Variants in TNS2 observed in about 807,000 individuals in gnomAD.
TNS2 encodes the protein tensin 2.
TNS2 carries 77 observed loss-of-function variants against 155.7 expected under a neutral mutation model. The ratio of observed to expected loss-of-function variants is 0.49; its 90% CI spans 0.41 to 0.60. The LOEUF (loss-of-function observed/expected upper bound fraction) is 0.60. TNS2 is among the 20% of genes least tolerant of loss of function. TNS2 has a pLI of 0.00. For missense variants in TNS2, 1,703 were observed against 1,868.8 expected (o/e 0.91, Z 1.64); for synonymous variants, 726 against 763.9 (o/e 0.95, Z 0.82).
rs769496652 is a variant in TNS2, at chr12:53,051,856, C to T, written c.77C>T (p.Pro26Leu). 6.2e-6 allele frequency: 10 copies of T among 1,611,698 alleles called. No homozygotes were observed. The highest frequency in any genetic ancestry group is 7.6e-6 in the Non-Finnish European group (9 of 1,178,520). The change falls in exon 2 of 29, where the codon CCT becomes CTT. Residue 26 changes from proline to leucine, a missense_variant and splice_region_variant. Transcript: ENST00000314250. ...CTCTGTTTGTCCCTCCACCTTCAGC[C>T]TAGGAAAGCTGAGCCTCATAGCTTC... ...RRDSSRAASR[P>L]RKAEPHSFRE...
chr12:53,053,127 C>G, intron 3 of TNS2: 1 of 453,142 alleles, frequency 2.2e-6, no homozygotes. Context: ...CTGGCCATGG[C>G]CTGCCTGCTT....
chr12:53,050,068 C>G lies in TNS2; in HGVS notation c.-118C>G, dbSNP rs61929173. ...CGGGCTTCTCCTCACACCAGCCAGA[C>G]AGCCTACCCTCCGCCCAGGGGAAGC... On this transcript the variant is annotated 5_prime_UTR_variant, in exon 1 of 29. Transcript: ENST00000314250. The surrounding 1 kb of genome is among the most constrained non-coding windows in gnomAD (Gnocchi z 4.7). The G allele has an allele frequency of 5.7e-5, 86 of 1,520,304 alleles. No homozygotes were observed. The highest frequency in any genetic ancestry group is 7.5e-5 in the Non-Finnish European group (85 of 1,137,454). The allele number at this position is 1,520,304 out of a possible 1,614,324, so 94.2% of individuals were successfully genotyped here.
chr12:53,058,817 C>G lies in TNS2; in HGVS notation c.1395C>G (p.Asp465Glu), dbSNP rs765222000. Residue 465 changes from aspartate (D) to glutamate (E), a missense_variant, in exon 17 of 29, where the codon GAC (aspartate) becomes GAG (glutamate). Physicochemically the swap from Asp to Glu is conservative, Grantham distance 45 (BLOSUM62 2). Coordinates refer to ENST00000314250, the MANE Select transcript of TNS2 (RefSeq NM_170754.4). ...AGAACTTCAACCAGCACCACGAGGA[C>G]AGTGTGGATGGTGCGCAGGCAGCCT... is the stretch of plus-strand genomic sequence containing the variant. ...SYENFNQHHE[D>E]SVDGSLTHTR... The G allele has an allele frequency of 6.2e-7, 1 of 1,613,560 alleles. No individual in the cohort carries two copies. Among genetic ancestry groups the G allele is most frequent in the South Asian group, 1.1e-5 (1 of 91,072 alleles).
At chr12:53,051,383 A>T (rs577644587) in intron 1 of TNS2, among the ~76,000 whole-genome samples, 2 of 152,288 alleles carry the variant, frequency 1.3e-5, no homozygotes, top group Admixed American at 1.3e-4. Flanking sequence ...AGCAGGAGCT[A>T]AAGGAGCAGG....
intron 9 of TNS2, 43 bp from the exon 10 acceptor site, chr12:53,055,738 C>T: frequency 6.2e-7 from 1 of 1,614,214 alleles, no homozygotes; most frequent in Non-Finnish European, 8.5e-7. Flanking sequence ...TCCAGGTCAG[C>T]CTGGAGCTCC....
rs1028186667 is a variant in TNS2, at chr12:53,061,666, C to T, written c.3449-149C>T. The T allele has an allele frequency of 3.5e-6, 5 of 1,426,964 alleles. No homozygotes were observed. In the African/African-American group the frequency reaches 7.2e-5, roughly 20 times the overall value. The allele number at this position is 1,426,964 out of a possible 1,614,324, so 88.4% of individuals were successfully genotyped here. On this transcript the variant is annotated intron_variant, in intron 21 of 28. Coordinates refer to ENST00000314250, the MANE Select transcript of TNS2 (RefSeq NM_170754.4). ...CCAACATGGTCAAAACCCCTGTGAA[C>T]TCTAGAGCCCTGGCCTCAGACTCTT...
upstream of TNS2, chr12:53,050,043 C>T (rs539811734): frequency 1.1e-4 from 168 of 1,476,114 alleles, 1 homozygote; most frequent in South Asian, 2.0e-3. The surrounding 1 kb of genome is among the most constrained non-coding windows in gnomAD (Gnocchi z 4.7). Flanking sequence ...CTTCCAGGGC[C>T]GGGCTTCTCC....
Position 53,060,387 on chromosome 12 carries a change from C to G in TNS2, c.2618-18C>G. ...GAGCCCCATCCTGCTCACAGCCCAC[C>G]TCTCCCCTTCACTGCAGAGTCGCTG... On this transcript the variant is annotated intron_variant, in intron 18 of 28. Coordinates refer to ENST00000314250, the MANE Select transcript of TNS2 (RefSeq NM_170754.4). The surrounding 1 kb of genome is among the most constrained non-coding windows in gnomAD (Gnocchi z 6.1). The G allele has an allele frequency of 6.2e-7, 1 of 1,608,448 alleles. No individual in the cohort carries two copies. The highest frequency in any genetic ancestry group is 8.5e-7 in the Non-Finnish European group (1 of 1,176,676).
chr12:53,053,503 C>T, intron 4 of TNS2, 54 bp downstream of exon 4: 5 of 1,609,474 alleles, frequency 3.1e-6, no homozygotes, highest in Non-Finnish European at 4.3e-6. Flanking sequence ...CCATGGTGTC[C>T]AGAGGTCTGG....
intron 11 of TNS2, 30 bp downstream of exon 11, chr12:53,057,126 G>A (rs1319573839): frequency 6.3e-7 from 1 of 1,597,668 alleles, no homozygotes; most frequent in African/African-American, 1.3e-5. Flanking sequence ...ATGGGCCAGA[G>A]GAGCAGCTCC....
Position 53,061,249 on chromosome 12 carries a change from G to A in TNS2, c.3343G>A (p.Val1115Ile). 1 of 1,568,550 alleles carries A rather than the reference G, an allele frequency of 6.4e-7. No individual in the cohort carries two copies. The highest frequency in any genetic ancestry group is 8.6e-7 in the Non-Finnish European group (1 of 1,157,410). Residue 1115 changes from valine to isoleucine, a missense_variant, in exon 20 of 29, where the codon GTC becomes ATC. By Grantham distance (29) the Val-to-Ile change is conservative (BLOSUM62 3). Transcript: ENST00000314250. ...CTTCGCACCTCTGCTCTCAGATAAT[G>A]TCCCCCAAACCCCAGGTATAAAGGC... is the stretch of plus-strand genomic sequence containing the variant. Reference protein sequence around the residue: ...VTFAPLLSDNVPQTPEPPTQE... With the variant: ...VTFAPLLSDNIPQTPEPPTQE...
Position 53,055,556 on chromosome 12 carries a change from C to G in TNS2, c.574-12C>G, listed in dbSNP as rs567908275. On this transcript the variant is annotated splice_polypyrimidine_tract_variant and intron_variant, in intron 8 of 28. Coordinates refer to ENST00000314250, the MANE Select transcript of TNS2 (RefSeq NM_170754.4). ...GCCCCCGGCCCCAGTTGCACCCCTG[C>G]ATTCTCCCCAGGTTCAAGACTTCGG... 3 of 1,593,086 alleles carry G rather than the reference C, an allele frequency of 1.9e-6. No individual in the cohort carries two copies. The African/African-American group carries it at 4.0e-5, about 21-fold the overall frequency.
chr12:53,064,053 GCTAAGTTAAGTGGA>G lies in TNS2; in HGVS notation c.*173_*186del. The G allele has an allele frequency of 2.8e-6, 2 of 713,316 alleles. No individual in the cohort carries two copies. Among genetic ancestry groups the G allele is most frequent in the Non-Finnish European group, 4.5e-6 (2 of 441,664 alleles). 44.2% of individuals were successfully genotyped at this position (713,316 alleles called of 1,614,324 possible). ...TGCTCTCCTTCCCCGCCCCCAGCCT[GCTAAGTTAAGTGGA>G]CAGGCCCACAAGATGACCTTGCATG... On this transcript the variant is annotated 3_prime_UTR_variant, in exon 29 of 29. Coordinates refer to ENST00000314250, the MANE Select transcript of TNS2 (RefSeq NM_170754.4).
chr12:53,063,678 C>T lies in TNS2; in HGVS notation c.4092-66C>T. The T allele has an allele frequency of 1.2e-6, 2 of 1,614,168 alleles. No homozygotes were observed. Among genetic ancestry groups the T allele is most frequent in the Admixed American group, 1.7e-5 (1 of 60,030 alleles). On this transcript the variant is annotated intron_variant, in intron 28 of 28. Transcript: ENST00000314250. The surrounding 1 kb of genome is among the most constrained non-coding windows in gnomAD (Gnocchi z 5.6). ...CAATGCTGGCATTTGATTTGTCTCA[C>T]CAAGGCCAGCTACATTCCCTTGTGG...
chr12:53,049,975 T>A, upstream of TNS2: 1 of 1,157,472 alleles, frequency 8.6e-7, no homozygotes, highest in Non-Finnish European at 1.2e-6. Context: ...CCCCACATCC[T>A]CCCCCCTCCA....
chr12:53,051,024 C>T (rs1027516808), intron 1 of TNS2, among the ~76,000 whole-genome samples: 3 of 152,084 alleles, frequency 2.0e-5, no homozygotes, highest in African/African-American at 4.8e-5. Flanking sequence ...AGGAGAGAAC[C>T]CACAGTGGGA....
intron 24 of TNS2, 25 bp downstream of exon 24, chr12:53,062,478 C>T (rs745339729): frequency 1.5e-5 from 24 of 1,612,636 alleles, no homozygotes; most frequent in Non-Finnish European, 1.9e-5. Flanking sequence ...ATCTGTCCTC[C>T]CCACCTCTCC....
In TNS2 at chr12:53,050,361, G is replaced by A. The variant is rs1943886728; in HGVS notation, c.75+101G>A. ...AGGCCAGGCCTTCTTCCCAATTTCA[G>A]CTTCCTCAGCCTTCTTCCCTGGCCC... On this transcript the variant is annotated intron_variant, in intron 1 of 28. Coordinates refer to ENST00000314250, the MANE Select transcript of TNS2 (RefSeq NM_170754.4). This position sits in a 1 kb window ranked among gnomAD's most constrained non-coding sequence, Gnocchi z 4.7. The A allele has an allele frequency of 1.0e-5, 14 of 1,344,230 alleles. No homozygotes were observed. Among genetic ancestry groups the A allele is most frequent in the Non-Finnish European group, 1.3e-5 (13 of 994,316 alleles). The allele number at this position is 1,344,230 out of a possible 1,614,324, so 83.3% of individuals were successfully genotyped here.
chr12:53,062,755 A>G (rs1944423961), intron 25 of TNS2, 58 bp downstream of exon 25: 1 of 1,591,138 alleles, frequency 6.3e-7, no homozygotes. Flanking sequence ...GGCATTGTGG[A>G]TACAGGGCAT....
Sources: allele counts gnomAD v4.1 joint callset (sites outside exome capture counted in the v4.1 genomes callset), GRCh38; gene constraint gnomAD v4.1.1; non-coding constraint Gnocchi (gnomAD v3.1); transcripts MANE v1.5; gene names NCBI Gene and HGNC (gene_info 2026-07-23, HGNC 2026-07-21).